The following MPDZ variants were observed in gnomAD, a reference collection of about 807,000 sequenced individuals.
MPDZ encodes multiple PDZ domain protein.
In MPDZ, 234 loss-of-function variants were observed where a neutral mutation model predicts 239.1. The ratio of observed to expected loss-of-function variants is 0.98; its 90% CI spans 0.88 to 1.09. The LOEUF (loss-of-function observed/expected upper bound fraction) is 1.09, where lower values mean the gene tolerates loss of function less well. Ranked by LOEUF, MPDZ falls within the 50% of genes least tolerant of loss-of-function variation. The pLI, the probability that MPDZ is intolerant of heterozygous loss-of-function variation, is 0.00. For synonymous variants in MPDZ, 1,048 were observed against 881.3 expected (o/e 1.19, Z -3.35); for missense variants, 3,175 against 2,510.0 (o/e 1.26, Z -5.66).
At position 13,147,623 on chromosome 9, in the gene MPDZ, T is replaced by C. The variant is rs766782368; in HGVS notation, c.3666A>G (p.Glu1222=). The C allele has an allele frequency of 3.1e-6, 5 of 1,612,314 alleles. No individual in the cohort carries two copies. In the South Asian group the frequency reaches 4.4e-5, roughly 14 times the overall value. The change falls in exon 26 of 47, where the codon GAA becomes GAG. Residue 1222 remains glutamate (E), a synonymous_variant. Transcript: ENST00000319217. ...CTTTCCGAATGGCTTCCACAGCTTG[T>C]TCATGGCTTGCATCTCTGAGGTCCA... is the stretch of plus-strand genomic sequence containing the variant. ...DGMDLRDASH[E]QAVEAIRKAG... is the part of the protein sequence containing the mutation.
At position 13,279,521 on chromosome 9, in the gene MPDZ, C is replaced by G. The variant is rs1432834300; in HGVS notation, c.-179G>C. The G allele has an allele frequency of 6.2e-5, 3 of 48,368 alleles. No homozygotes were observed. Among genetic ancestry groups the G allele is most frequent in the African/African-American group, 2.0e-4 (3 of 15,224 alleles). The allele number at this position is 48,368 out of a possible 1,614,324, so 3.0% of individuals were successfully genotyped here. On this transcript the variant is annotated 5_prime_UTR_variant, in exon 1 of 47. Coordinates refer to ENST00000319217, the MANE Select transcript of MPDZ (RefSeq NM_001378778.1). Reference sequence around the variant, plus strand: ...CTCACTGTCTTCTCTTCTGAAGTAACGACCCGGCGAGGAGCTTCGGATCAA... The same window carrying G: ...CTCACTGTCTTCTCTTCTGAAGTAAGGACCCGGCGAGGAGCTTCGGATCAA...
chr9:13,110,009 C>T lies in MPDZ; in HGVS notation c.5885G>A (p.Ser1962Asn), dbSNP rs751449170. 2 of 1,613,452 alleles carry T rather than the reference C, an allele frequency of 1.2e-6. No individual in the cohort carries two copies. The highest frequency in any genetic ancestry group is 1.7e-6 in the Non-Finnish European group (2 of 1,179,752). The stretch of plus-strand genomic sequence containing the variant: ...CAGCCCAGTGAAAGAAAGACTGGAA[C>T]TTGCAGGCTCCTGCTGATGACCTGT... ...VVTGHQQEPA[S>N]SSLSFTGLTS... is the part of the protein sequence containing the mutation. The change falls in exon 45 of 47, where the codon AGT becomes AAT. Residue 1962 changes from serine (S) to asparagine (N), a missense_variant. Ser to Asn is a conservative substitution (Grantham distance 46, BLOSUM62 1). Coordinates refer to ENST00000319217, the MANE Select transcript of MPDZ (RefSeq NM_001378778.1).
intron 3 of MPDZ, among the ~76,000 whole-genome samples, chr9:13,228,742 TAACA>T (rs931344186): frequency 1.3e-5 from 2 of 152,134 alleles, no homozygotes; most frequent in African/African-American, 2.4e-5. Context: ...CTAACATAAC[TAACA>T]ATTTCACCAA....
intron 19 of MPDZ, 114 bp downstream of exon 19, chr9:13,183,304 G>A: frequency 1.2e-6 from 1 of 805,504 alleles, no homozygotes; most frequent in Non-Finnish European, 1.8e-6. Flanking sequence ...ATCCACAACT[G>A]GAGAAACATA....
intron 28 of MPDZ, among the ~76,000 whole-genome samples, chr9:13,138,676 A>G (rs1947203561): frequency 6.6e-6 from 1 of 152,206 alleles, no homozygotes; most frequent in African/African-American, 2.4e-5. Flanking sequence ...TATGTAACCC[A>G]GTTTTGGGAC....
intron 12 of MPDZ, among the ~76,000 whole-genome samples, chr9:13,198,735 C>CTGTGTGTGTGTGTGTGTGTG (rs1243812686): frequency 7.0e-4 from 12 of 17,086 alleles, no homozygotes; most frequent in African/African-American, 9.0e-4. Context: ...TAATCTCTCT[C>CTGTGTGTGTGTGTGTGTGTG]TCTGTGTGTG....
chr9:13,172,912 T>TAAAC (rs778156389), intron 21 of MPDZ, among the ~76,000 whole-genome samples: 1 of 152,140 alleles, frequency 6.6e-6, no homozygotes, highest in South Asian at 2.1e-4. Flanking sequence ...GATGAATAAA[T>TAAAC]AAACAAAGTA....
chr9:13,270,888 A>G (rs192156834), intron 1 of MPDZ, among the ~76,000 whole-genome samples: 69 of 152,316 alleles, frequency 4.5e-4, no homozygotes, highest in Admixed American at 3.8e-3. Context: ...CCAATTCACT[A>G]TATGACTGTC....
intron 19 of MPDZ, among the ~76,000 whole-genome samples, chr9:13,181,430 T>G (rs1953307981): frequency 6.6e-6 from 1 of 152,132 alleles, no homozygotes; most frequent in Non-Finnish European, 1.5e-5. Flanking sequence ...GTCTAGGTAT[T>G]AGAAAGTTGT....
intron 7 of MPDZ, 59 bp downstream of exon 7, chr9:13,221,313 A>T: frequency 6.9e-7 from 1 of 1,448,412 alleles, no homozygotes; most frequent in East Asian, 2.4e-5. Flanking sequence ...AAAAAAATGT[A>T]AAAGATGTAC....
intron 24 of MPDZ, among the ~76,000 whole-genome samples, chr9:13,153,537 A>G (rs978707304): frequency 1.3e-4 from 20 of 151,870 alleles, no homozygotes; most frequent in Admixed American, 8.5e-4. Flanking sequence ...TTGACTTTCA[A>G]CCTCAATGTC....
At chr9:13,123,586 G>A (rs1252033400) in intron 35 of MPDZ, among the ~76,000 whole-genome samples, 1 of 152,072 alleles carries the variant, frequency 6.6e-6, no homozygotes, top group African/African-American at 2.4e-5. Flanking sequence ...ATAAAGGAGA[G>A]GATATGAAGA....
intron 21 of MPDZ, among the ~76,000 whole-genome samples, chr9:13,173,062 T>C (rs1951992239): frequency 1.3e-5 from 2 of 152,230 alleles, no homozygotes; most frequent in South Asian, 4.1e-4. Flanking sequence ...ATGAAGCATT[T>C]CATCAAATTC....
Position 13,219,757 on chromosome 9 carries a change from T to G in MPDZ, c.888A>C (p.Leu296Phe), listed in dbSNP as rs781206109. ...PGGVADQHGR[L>F]CSGDHILKIG... Reference sequence around the variant, plus strand: ...TCTTTAGAATGTGGTCTCCACTGCATAAACGCCCATGCTGAGTAAAACAAT... The same window carrying G: ...TCTTTAGAATGTGGTCTCCACTGCAGAAACGCCCATGCTGAGTAAAACAAT... The change falls in exon 8 of 47, where the codon TTA becomes TTC. Residue 296 changes from leucine (L) to phenylalanine (F), a missense_variant. Transcript: ENST00000319217. 4 of 1,612,348 alleles carry G rather than the reference T, an allele frequency of 2.5e-6. No homozygotes were observed. Among genetic ancestry groups the G allele is most frequent in the Non-Finnish European group, 3.4e-6 (4 of 1,178,970 alleles).
At chr9:13,166,954 G>T (rs910096202) in intron 22 of MPDZ, among the ~76,000 whole-genome samples, 1 of 152,114 alleles carries the variant, frequency 6.6e-6, no homozygotes, top group Non-Finnish European at 1.5e-5. Context: ...GAACTGAGTG[G>T]TAGGGCTAGT....
intron 23 of MPDZ, among the ~76,000 whole-genome samples, chr9:13,160,535 A>G (rs147314192): frequency 4.9e-4 from 74 of 152,028 alleles, no homozygotes; most frequent in Non-Finnish European, 9.3e-4. Context: ...TTCTTTAAGT[A>G]AGTCATTTGA....
At chr9:13,255,617 C>CT (rs1194722417) in intron 1 of MPDZ, among the ~76,000 whole-genome samples, 1 of 152,180 alleles carries the variant, frequency 6.6e-6, no homozygotes, top group African/African-American at 2.4e-5. Flanking sequence ...TGATGAAACT[C>CT]TATCAGAGCT....
chr9:13,275,785 C>T (rs374805576), intron 1 of MPDZ, among the ~76,000 whole-genome samples: 41 of 152,222 alleles, frequency 2.7e-4, no homozygotes, highest in African/African-American at 9.2e-4. Flanking sequence ...CCAACCTTTT[C>T]CCCTGGGCAC....
chr9:13,125,843 G>A (rs1446978554), intron 34 of MPDZ, among the ~76,000 whole-genome samples: 1 of 152,066 alleles, frequency 6.6e-6, no homozygotes, highest in Non-Finnish European at 1.5e-5. Context: ...CAAGGTAAAC[G>A]AAAAGTTAAA....
Sources: gnomAD v4.1 joint callset for allele counts (sites outside exome capture counted in the v4.1 genomes callset) on GRCh38, gnomAD v4.1.1 for gene constraint, MANE v1.5 for transcripts, NCBI Gene and HGNC (gene_info 2026-07-23, HGNC 2026-07-21) for gene names.